Variants in IQGAP2 observed in about 807,000 individuals in gnomAD.
IQGAP2 encodes the protein ras GTPase-activating-like protein IQGAP2.
A neutral mutation model predicts 201.3 loss-of-function variants in IQGAP2; 173 were observed. The ratio of observed to expected loss-of-function variants is 0.86; its 90% CI spans 0.76 to 0.98. The LOEUF is 0.98. IQGAP2 is among the 50% of genes least tolerant of loss of function. The pLI is 0.00. For synonymous variants in IQGAP2, 675 were observed against 673.9 expected (o/e 1.00, Z -0.03); for missense variants, 1,687 against 1,864.8 (o/e 0.90, Z 1.76).
At chr5:76,585,159 A>C (rs981188801) in intron 5 of IQGAP2, among the ~76,000 whole-genome samples, 2 of 152,232 alleles carry the variant, frequency 1.3e-5, no homozygotes, top group African/African-American at 2.4e-5. Context: ...AGGTGGAAGC[A>C]TCTAAGGATA....
At chr5:76,667,728 CTG>C (rs1743905840) in intron 22 of IQGAP2, among the ~76,000 whole-genome samples, 1 of 152,166 alleles carries the variant, frequency 6.6e-6, no homozygotes, top group South Asian at 2.1e-4. Flanking sequence ...CCTTCTCACT[CTG>C]TGTAGAACAT....
intron 1 of IQGAP2, among the ~76,000 whole-genome samples, chr5:76,439,001 G>A (rs1021003953): frequency 1.6e-5 from 2 of 121,912 alleles, no homozygotes; most frequent in African/African-American, 6.1e-5. Context: ...TGATCTTTCC[G>A]ATTTTATCTT....
rs779784878 is a variant in IQGAP2, at chr5:76,665,167, C to T, written c.2671C>T (p.Leu891Phe). ...TLETYQQLFY[L>F]LQTNPLYLAK... ...AGAAACATATCAGCAGCTGTTTTAC[C>T]TTTTACAGGTGAGAACAATTTATCG... The change falls in exon 22 of 36, where the codon CTT (leucine) becomes TTT (phenylalanine). Residue 891 changes from leucine to phenylalanine, a missense_variant. Transcript: ENST00000274364. The T allele has an allele frequency of 4.7e-5, 75 of 1,612,004 alleles. No homozygotes were observed. Among genetic ancestry groups the T allele is most frequent in the Non-Finnish European group, 5.9e-5 (70 of 1,179,206 alleles).
chr5:76,403,729 G>A lies in IQGAP2; in HGVS notation c.46+138G>A. On this transcript the variant is annotated intron_variant, in intron 1 of 35. Coordinates refer to ENST00000274364, the MANE Select transcript of IQGAP2 (RefSeq NM_006633.5). The surrounding 1 kb of genome is among the most constrained non-coding windows in gnomAD (Gnocchi z 4.8). ...CAGCAACTGCGCGGCTGGCAAAGTT[G>A]GGAGCTGGAGTTGCAAAGGGCAGTG... The A allele has an allele frequency of 1.5e-6, 1 of 646,152 alleles. No homozygotes were observed. Among genetic ancestry groups the A allele is most frequent in the Non-Finnish European group, 2.4e-6 (1 of 418,880 alleles). 40.0% of individuals were successfully genotyped at this position (646,152 alleles called of 1,614,324 possible). A position where few individuals can be genotyped will look rare whatever the true frequency, so the allele number is the denominator to read the frequency against.
intron 2 of IQGAP2, among the ~76,000 whole-genome samples, chr5:76,466,080 T>A (rs985435819): frequency 6.6e-6 from 1 of 152,144 alleles, no homozygotes; most frequent in South Asian, 2.1e-4. Flanking sequence ...CTTGTGCTTA[T>A]CTTCCAGCAC....
intron 2 of IQGAP2, among the ~76,000 whole-genome samples, chr5:76,493,216 G>T (rs2150157741): frequency 6.6e-6 from 1 of 152,170 alleles, no homozygotes; most frequent in South Asian, 2.1e-4. Flanking sequence ...CACTCACGGT[G>T]GCTCTCGTCG....
chr5:76,683,249 G>A, intron 29 of IQGAP2, 32 bp downstream of exon 29: 4 of 1,516,018 alleles, frequency 2.6e-6, no homozygotes, highest in Non-Finnish European at 3.6e-6. Context: ...TTATCCCTTG[G>A]TTTTTGTTTA....
intron 17 of IQGAP2, among the ~76,000 whole-genome samples, chr5:76,647,103 A>G (rs1752103960): frequency 6.6e-6 from 1 of 152,180 alleles, no homozygotes; most frequent in African/African-American, 2.4e-5. Context: ...GGACTTAAAA[A>G]TTATTTGGGC....
intron 1 of IQGAP2, among the ~76,000 whole-genome samples, chr5:76,431,552 C>T (rs566919848): frequency 1.4e-3 from 213 of 152,032 alleles, no homozygotes; most frequent in African/African-American, 4.8e-3. Flanking sequence ...TGGCCGGGCA[C>T]GGTGGCTCAT....
At chr5:76,540,039 A>T (rs1742657181) in intron 2 of IQGAP2, among the ~76,000 whole-genome samples, 1 of 152,144 alleles carries the variant, frequency 6.6e-6, no homozygotes, top group Admixed American at 6.5e-5. Flanking sequence ...CTCCATGGAC[A>T]TCATTTTAAT....
intron 2 of IQGAP2, among the ~76,000 whole-genome samples, chr5:76,472,987 G>A (rs954303393): frequency 7.2e-5 from 11 of 152,164 alleles, no homozygotes; most frequent in Admixed American, 2.6e-4. Flanking sequence ...CCACTCTGTG[G>A]GAAGGAGCAT....
Position 76,647,720 on chromosome 5 carries a change from G to C in IQGAP2, c.2095-5030G>C, listed in dbSNP as rs1752167934. 1.3e-5 allele frequency among the ~76,000 whole-genome samples: 2 copies of C among 151,886 alleles called. 1 individual carries two copies. Among genetic ancestry groups the C allele is most frequent in the South Asian group, 4.2e-4 (2 of 4,812 alleles). Reference sequence around the variant, plus strand: ...TCAGCGTGAAAACTGATTAATACAGGCTCTAGTGAAAGCCTGCTCTCTGTA... The same window carrying C: ...TCAGCGTGAAAACTGATTAATACAGCCTCTAGTGAAAGCCTGCTCTCTGTA... On this transcript the variant is annotated intron_variant, in intron 17 of 35. Transcript: ENST00000274364.
chr5:76,429,272 T>A (rs186537657), intron 1 of IQGAP2, among the ~76,000 whole-genome samples: 46 of 151,806 alleles, frequency 3.0e-4, no homozygotes, highest in Non-Finnish European at 4.9e-4. Flanking sequence ...TTTCTCTTTT[T>A]AAAAATATAT....
intron 15 of IQGAP2, among the ~76,000 whole-genome samples, chr5:76,635,103 A>G (rs1462631200): frequency 6.6e-6 from 1 of 152,200 alleles, no homozygotes; most frequent in Non-Finnish European, 1.5e-5. Flanking sequence ...AATTACTGTA[A>G]TGTCCCCTGT....
At chr5:76,692,842 C>T (rs1746389922) in intron 30 of IQGAP2, among the ~76,000 whole-genome samples, 1 of 152,164 alleles carries the variant, frequency 6.6e-6, no homozygotes. Flanking sequence ...AACGTTCGCT[C>T]CCACTGGTCT....
rs545432859 is a variant in IQGAP2 at position 76,451,512 on chromosome 5, T to C, written c.47-10058T>C. Among the ~76,000 whole-genome samples, 24 of 152,328 alleles carry C rather than the reference T, an allele frequency of 1.6e-4. No individual in the cohort carries two copies. The South Asian group carries it at 4.8e-3, about 30-fold the overall frequency. On this transcript the variant is annotated intron_variant, in intron 1 of 35. Transcript: ENST00000274364. ...CGTTGGGCCTTCTAATAAGATATCA[T>C]GGCATTAGTCATCTTCTGATCACTT...
At chr5:76,440,758 G>A (rs1752977395) in intron 1 of IQGAP2, among the ~76,000 whole-genome samples, 1 of 151,828 alleles carries the variant, frequency 6.6e-6, no homozygotes, top group Admixed American at 6.6e-5. Context: ...TAGGGCCCTG[G>A]CCGGGTGCAG....
chr5:76,554,087 G>T (rs183618210), intron 2 of IQGAP2, among the ~76,000 whole-genome samples: 4 of 152,254 alleles, frequency 2.6e-5, no homozygotes, highest in Admixed American at 2.6e-4. Context: ...TTCAATAAAG[G>T]TGCCAAGACA....
At chr5:76,700,973 G>C in intron 33 of IQGAP2, 103 bp from the exon 34 acceptor site, 1 of 1,213,836 alleles carries the variant, frequency 8.2e-7, no homozygotes, top group Non-Finnish European at 1.2e-6. Flanking sequence ...CGCTCTGAGG[G>C]CCAGGTATGA....
Sources: gnomAD v4.1 joint callset for allele counts (sites outside exome capture counted in the v4.1 genomes callset) on GRCh38, gnomAD v4.1.1 for gene constraint, Gnocchi (gnomAD v3.1) non-coding constraint, MANE v1.5 for transcripts, NCBI Gene and HGNC (gene_info 2026-07-23, HGNC 2026-07-21) for gene names.